The following GRIA1 variants were observed in gnomAD, a reference collection of about 807,000 sequenced individuals.
GRIA1 encodes the protein glutamate receptor 1.
In GRIA1, 31 loss-of-function variants were observed where a neutral mutation model predicts 99.2. That is an observed-to-expected ratio of 0.31 (90% CI 0.23 to 0.42). The LOEUF is 0.42. GRIA1 is among the 10% of genes least tolerant of loss of function. The pLI is 1.00. For missense variants in GRIA1, 782 were observed against 1,157.5 expected, an observed-to-expected ratio of 0.68 and a Z score of 4.71; for synonymous variants, 438 against 432.4, an observed-to-expected ratio of 1.01 and a Z score of -0.16.
intron 13 of GRIA1, among the ~76,000 whole-genome samples, chr5:153,790,063 G>C (rs1284828913): frequency 1.3e-5 from 2 of 152,184 alleles, no homozygotes; most frequent in East Asian, 3.8e-4. Context: ...GTTGTAGTTA[G>C]TTGCAGTGAG....
At position 153,759,164 on chromosome 5, in the gene GRIA1, C is replaced by CAAA. The variant is rs112082035; in HGVS notation, c.1824-5261_1824-5259dup. On this transcript the variant is annotated intron_variant, in intron 11 of 15. Transcript: ENST00000285900. ...CAACCTAGCATTGAACTTCAAAGAC[C>CAAA]AAAAAAAAAAACAGAACAAACTAAA... is the stretch of plus-strand genomic sequence containing the variant. Among the ~76,000 whole-genome samples, 567 of 139,476 alleles carry CAAA rather than the reference C, an allele frequency of 4.1e-3. 7 individuals are homozygous for CAAA. The highest frequency in any genetic ancestry group is 0.013 in the African/African-American group (480 of 38,360). 91.5% of individuals were successfully genotyped at this position (139,476 alleles called of 152,430 possible). A position where few individuals can be genotyped will look rare whatever the true frequency, so the allele number is the denominator to read the frequency against.
chr5:153,689,192 C>A (rs1757563107), intron 8 of GRIA1, among the ~76,000 whole-genome samples: 1 of 152,074 alleles, frequency 6.6e-6, no homozygotes, highest in Non-Finnish European at 1.5e-5. Context: ...CTGTCCCCAG[C>A]CCCTTTCTTT....
rs557067884 is a variant in GRIA1 at position 153,729,252 on chromosome 5, G to A, written c.1823+23185G>A. On this transcript the variant is annotated intron_variant, in intron 11 of 15. Coordinates refer to ENST00000285900, the MANE Select transcript of GRIA1 (RefSeq NM_000827.4). ...ACTGTTGTGGGGTAGGGAGAGGGGGGAGCGATAGCATTAGGAGATATACCT... is the reference window on the plus strand; with the variant it reads ...ACTGTTGTGGGGTAGGGAGAGGGGGAAGCGATAGCATTAGGAGATATACCT... Among the ~76,000 whole-genome samples, 1,151 of 150,744 alleles carry A rather than the reference G, an allele frequency of 7.6e-3. 21 individuals are homozygous for A. Among genetic ancestry groups the A allele is most frequent in the African/African-American group, 0.027 (1,088 of 40,888 alleles).
intron 11 of GRIA1, among the ~76,000 whole-genome samples, chr5:153,728,242 T>C (rs1760721524): frequency 6.6e-6 from 1 of 150,828 alleles, no homozygotes. Flanking sequence ...TCAAGATGGA[T>C]TAAAGACTTA....
At chr5:153,549,010 T>A (rs1236045661) in intron 2 of GRIA1, among the ~76,000 whole-genome samples, 2 of 152,164 alleles carry the variant, frequency 1.3e-5, no homozygotes, top group Non-Finnish European at 2.9e-5. Flanking sequence ...TGTCTGTGTA[T>A]TTTAAAAACA....
At chr5:153,517,179 C>G (rs1029743956) in intron 2 of GRIA1, among the ~76,000 whole-genome samples, 2 of 152,182 alleles carry the variant, frequency 1.3e-5, no homozygotes, top group Non-Finnish European at 2.9e-5. Context: ...CCCACCAGTA[C>G]CCAGAGGCCC....
At chr5:153,548,139 G>T (rs1759781085) in intron 2 of GRIA1, among the ~76,000 whole-genome samples, 1 of 152,116 alleles carries the variant, frequency 6.6e-6, no homozygotes, top group African/African-American at 2.4e-5. Context: ...CTCAGTCTAT[G>T]GCAGACATAC....
chr5:153,770,535 T>G (rs1763809131), intron 13 of GRIA1, 120 bp downstream of exon 13: 2 of 931,128 alleles, frequency 2.1e-6, no homozygotes, highest in Non-Finnish European at 1.6e-6. Context: ...GGGGCTCTTC[T>G]TCAACACCTA....
At chr5:153,510,114 G>A (rs975322968) in intron 2 of GRIA1, among the ~76,000 whole-genome samples, 2 of 152,086 alleles carry the variant, frequency 1.3e-5, no homozygotes, top group African/African-American at 4.8e-5. Flanking sequence ...GTCTTGCTTG[G>A]AGTCAGCTGC....
intron 2 of GRIA1, among the ~76,000 whole-genome samples, chr5:153,640,244 C>T (rs1002303952): frequency 5.9e-5 from 9 of 152,028 alleles, no homozygotes; most frequent in Non-Finnish European, 1.2e-4. Flanking sequence ...ATAATAAATA[C>T]ACAAATATGA....
rs113325478 is a variant in GRIA1, at chr5:153,581,035, A to G, written c.221-65893A>G. ...ATAACGAAGGTAGTTTATGCATTTCATAGGAAACCCAGCGGCTTACGTAGC... is the reference window on the plus strand; with the variant it reads ...ATAACGAAGGTAGTTTATGCATTTCGTAGGAAACCCAGCGGCTTACGTAGC... On this transcript the variant is annotated intron_variant, in intron 2 of 15. Transcript: ENST00000285900. Among the ~76,000 whole-genome samples the G allele has an allele frequency of 4.8e-3, 736 of 152,344 alleles. 5 individuals are homozygous for G. Among genetic ancestry groups the G allele is most frequent in the African/African-American group, 0.017 (702 of 41,572 alleles).
intron 7 of GRIA1, among the ~76,000 whole-genome samples, chr5:153,681,076 A>T (rs1054869282): frequency 2.2e-4 from 34 of 152,214 alleles, no homozygotes; most frequent in Non-Finnish European, 4.7e-4. Context: ...CACGAAGTAC[A>T]CTGCCAGCAT....
rs553738680 is a variant in GRIA1 at position 153,609,066 on chromosome 5, C to G, written c.221-37862C>G. 1.8e-4 allele frequency among the ~76,000 whole-genome samples: 28 copies of G among 152,270 alleles called. 1 individual carries two copies. The highest frequency in any genetic ancestry group is 1.4e-3 in the Admixed American group (21 of 15,300). On this transcript the variant is annotated intron_variant, in intron 2 of 15. Transcript: ENST00000285900. ...CTAAAGTTGGGTTTAACAAGCTTCCCCCACTGCAATCACCATATTTTGGTC... is the reference window on the plus strand; with the variant it reads ...CTAAAGTTGGGTTTAACAAGCTTCCGCCACTGCAATCACCATATTTTGGTC...
At chr5:153,626,840 G>A (rs1347498960) in intron 2 of GRIA1, among the ~76,000 whole-genome samples, 1 of 152,098 alleles carries the variant, frequency 6.6e-6, no homozygotes, top group Non-Finnish European at 1.5e-5. Context: ...AAAAAGAGCA[G>A]CAGCTCAAGA....
chr5:153,792,726 T>C (rs551239847), intron 13 of GRIA1, among the ~76,000 whole-genome samples: 87 of 152,258 alleles, frequency 5.7e-4, no homozygotes, highest in African/African-American at 2.0e-3. Flanking sequence ...TCTTTCTCTC[T>C]CTCTCTCCTT....
chr5:153,674,502 C>T lies in GRIA1; in HGVS notation c.702C>T (p.Gly234=), dbSNP rs759358356. 6 of 1,613,956 alleles carry T rather than the reference C, an allele frequency of 3.7e-6. No homozygotes were observed. The highest frequency in any genetic ancestry group is 1.7e-5 in the Admixed American group (1 of 60,002). The change falls in exon 6 of 16, where the codon GGC becomes GGT. Residue 234 remains glycine, a splice_region_variant and synonymous_variant. Coordinates refer to ENST00000285900, the MANE Select transcript of GRIA1 (RefSeq NM_000827.4). The stretch of plus-strand genomic sequence containing the variant: ...TCTCCCTCCTCCCCCTCTCACAGGG[C>T]TTCATGGACATTGACTTAAACAAAT... The part of the protein sequence containing the change: ...IGYHYILANL[G]FMDIDLNKFK...
chr5:153,699,714 A>T (rs1758378121), intron 10 of GRIA1, among the ~76,000 whole-genome samples: 1 of 152,030 alleles, frequency 6.6e-6, no homozygotes, highest in Admixed American at 6.5e-5. Context: ...ACCCTGCCTT[A>T]TATAACGGTT....
At chr5:153,617,116 C>T (rs566111334) in intron 2 of GRIA1, among the ~76,000 whole-genome samples, 33 of 152,218 alleles carry the variant, frequency 2.2e-4, no homozygotes, top group Non-Finnish European at 4.1e-4. Context: ...GATCTCCTAC[C>T]CTTGGATATA....
At chr5:153,567,894 A>G (rs1761788281) in intron 2 of GRIA1, among the ~76,000 whole-genome samples, 1 of 152,218 alleles carries the variant, frequency 6.6e-6, no homozygotes, top group African/African-American at 2.4e-5. Context: ...GTAGACAGTA[A>G]TAAGAAATTT....
Sources: allele counts gnomAD v4.1 joint callset (sites outside exome capture counted in the v4.1 genomes callset), GRCh38; gene constraint gnomAD v4.1.1; transcripts MANE v1.5; gene names NCBI Gene and HGNC (gene_info 2026-07-23, HGNC 2026-07-21).